Variants in AOPEP observed in about 807,000 individuals in gnomAD.
AOPEP encodes aminopeptidase O (putative), also known as aminopeptidase O.
Under a neutral mutation model 98.1 loss-of-function variants are expected in AOPEP, and 77 were observed. The ratio of observed to expected loss-of-function variants is 0.78; its 90% CI spans 0.65 to 0.95. The LOEUF is 0.95. Ranked by LOEUF, AOPEP falls within the 40% of genes least tolerant of loss-of-function variation. The pLI, the probability that AOPEP is intolerant of heterozygous loss-of-function variation, is 0.00. For synonymous variants in AOPEP, 346 were observed against 365.3 expected (o/e 0.95, Z 0.60); for missense variants, 1,024 against 1,024.7 (o/e 1.00, Z 0.01).
chr9:95,127,677 G>T, the AOPEP span, among the ~76,000 whole-genome samples: 5 of 152,232 alleles, frequency 3.3e-5, no homozygotes, highest in African/African-American at 1.2e-4. Context: ...CATTTGATAT[G>T]ACTAGCTTTG....
At chr9:94,869,423 T>A (rs1428765240) in intron 5 of AOPEP, among the ~76,000 whole-genome samples, 3 of 152,182 alleles carry the variant, frequency 2.0e-5, no homozygotes, top group African/African-American at 7.2e-5. Flanking sequence ...CATGTAGTGA[T>A]TAGCTTTTGA....
At chr9:95,141,723 C>T in the AOPEP span, among the ~76,000 whole-genome samples, 168 of 152,140 alleles carry the variant, frequency 1.1e-3, no homozygotes, top group Non-Finnish European at 1.7e-3. Context: ...GCATAACAGA[C>T]GAGTAAACTA....
At chr9:95,088,627 G>A (rs2070821923), downstream of AOPEP, among the ~76,000 whole-genome samples, 2 of 152,246 alleles carry the variant, frequency 1.3e-5, no homozygotes, top group Non-Finnish European at 2.9e-5. Flanking sequence ...CCCACTGTGT[G>A]CAGATGCTTG....
intron 7 of AOPEP, among the ~76,000 whole-genome samples, chr9:94,944,375 T>A (rs1270604689): frequency 6.6e-6 from 1 of 152,168 alleles, no homozygotes; most frequent in African/African-American, 2.4e-5. Flanking sequence ...ATGTGTTATA[T>A]CCATACAGTG....
the AOPEP span, among the ~76,000 whole-genome samples, chr9:95,096,296 GAC>G: frequency 2.0e-5 from 3 of 152,218 alleles, no homozygotes; most frequent in African/African-American, 7.2e-5. Context: ...AGCGGGGAGT[GAC>G]AGAGGGCCAG....
chr9:94,768,605 A>G (rs1455129293), intron 2 of AOPEP, among the ~76,000 whole-genome samples: 4 of 152,328 alleles, frequency 2.6e-5, no homozygotes, highest in African/African-American at 9.6e-5. Context: ...TGTTATTCTG[A>G]CAAGTTCTTC....
At chr9:95,012,647 G>A (rs529545052) in intron 13 of AOPEP, among the ~76,000 whole-genome samples, 5 of 152,014 alleles carry the variant, frequency 3.3e-5, no homozygotes, top group Non-Finnish European at 2.9e-5. Context: ...CATTCATCTT[G>A]TATTGGAGGA....
intron 5 of AOPEP, among the ~76,000 whole-genome samples, chr9:94,900,172 G>C (rs944024152): frequency 2.6e-5 from 4 of 152,220 alleles, no homozygotes; most frequent in African/African-American, 7.2e-5. Context: ...AGCTATGTGA[G>C]CCAACCTCTC....
chr9:94,982,981 T>G (rs900286286), intron 11 of AOPEP, among the ~76,000 whole-genome samples: 10 of 152,160 alleles, frequency 6.6e-5, no homozygotes. Context: ...CTACACTCCT[T>G]ATTTTAGTTG....
intron 15 of AOPEP, among the ~76,000 whole-genome samples, chr9:95,081,966 A>T (rs1233104887): frequency 6.6e-6 from 1 of 152,084 alleles, no homozygotes; most frequent in Non-Finnish European, 1.5e-5. Context: ...AAAATACAGG[A>T]AAAATGCAGA....
At chr9:94,876,094 A>C (rs534098072) in intron 5 of AOPEP, among the ~76,000 whole-genome samples, 1 of 152,348 alleles carries the variant, frequency 6.6e-6, no homozygotes, top group African/African-American at 2.4e-5. Context: ...TAGGCAGTTC[A>C]ACAGTATTTG....
chr9:94,897,174 A>C (rs190847439), intron 5 of AOPEP, among the ~76,000 whole-genome samples: 14 of 152,234 alleles, frequency 9.2e-5, no homozygotes, highest in African/African-American at 3.4e-4. Context: ...ATTTCTATCT[A>C]AAACATGTTA....
the AOPEP span, among the ~76,000 whole-genome samples, chr9:95,135,106 T>C: frequency 6.6e-6 from 1 of 152,232 alleles, no homozygotes; most frequent in East Asian, 1.9e-4. Flanking sequence ...TCAATTCTTG[T>C]GAACATGTGA....
At chr9:94,939,853 G>A (rs924190553) in intron 7 of AOPEP, among the ~76,000 whole-genome samples, 75 of 152,294 alleles carry the variant, frequency 4.9e-4, no homozygotes, top group African/African-American at 1.6e-3. Flanking sequence ...CTTTGTATCT[G>A]GGGGTTCTAC....
At chr9:95,068,659 CCTTTG>C (rs2068160513) in intron 14 of AOPEP, among the ~76,000 whole-genome samples, 1 of 152,106 alleles carries the variant, frequency 6.6e-6, no homozygotes, top group Non-Finnish European at 1.5e-5. Flanking sequence ...CAGTGTATCT[CCTTTG>C]TTTTGTTGAA....
At chr9:94,849,270 T>C (rs1050772543) in intron 5 of AOPEP, among the ~76,000 whole-genome samples, 1 of 152,228 alleles carries the variant, frequency 6.6e-6, no homozygotes, top group Admixed American at 6.5e-5. Flanking sequence ...TAGTTTTAAG[T>C]GTTTTACTGA....
At chr9:95,049,203 C>A (rs1247260388) in intron 13 of AOPEP, 1 of 152,218 alleles carries the variant, frequency 6.6e-6, no homozygotes, top group African/African-American at 2.4e-5. Flanking sequence ...TCTGTGCTCA[C>A]TGGTTTTTCA....
rs1292264593 is a variant in AOPEP at position 94,773,129 on chromosome 9, A to G, written c.925A>G (p.Ser309Gly). The change falls in exon 3 of 17, where the codon AGT becomes GGT. Residue 309 changes from serine (S) to glycine (G), a missense_variant. Ser to Gly is a moderately conservative substitution (Grantham distance 56, BLOSUM62 0). Around this residue, in one of 3 missense-constraint regions of AOPEP, gnomAD observed 440 missense variants for 433.8 expected, o/e 1.01. Coordinates refer to ENST00000375315, the MANE Select transcript of AOPEP (RefSeq NM_001193329.3). ...AGCTGCATCTTTTGTTGTTTTAATG[A>G]GTGGGGAAAATTCTGCCAAACCAAC... ...RAAASFVVLM[S>G]GENSAKPTQL... 2 of 1,614,016 alleles carry G rather than the reference A, an allele frequency of 1.2e-6. No homozygotes were observed. The highest frequency in any genetic ancestry group is 2.2e-5 in the South Asian group (2 of 91,070).
intron 2 of AOPEP, among the ~76,000 whole-genome samples, chr9:94,772,479 C>A (rs1841110865): frequency 6.6e-6 from 1 of 152,178 alleles, no homozygotes; most frequent in Non-Finnish European, 1.5e-5. Context: ...TTCTTGGCCT[C>A]CACACAAGGA....
Sources: allele counts gnomAD v4.1 joint callset (sites outside exome capture counted in the v4.1 genomes callset), GRCh38; gene constraint gnomAD v4.1.1; regional missense constraint gnomAD v4.1.1; transcripts MANE v1.5; gene names NCBI Gene and HGNC (gene_info 2026-07-23, HGNC 2026-07-21).